TRAPPC9: variants seen among roughly 807,000 people sequenced by gnomAD.
The protein encoded by TRAPPC9 is IKK2 binding protein.
TRAPPC9 carries 83 observed loss-of-function variants against 124.0 expected under a neutral mutation model. That is an observed-to-expected ratio of 0.67 (90% CI 0.56 to 0.80). The LOEUF (loss-of-function observed/expected upper bound fraction) is 0.80. TRAPPC9 is among the 30% of genes least tolerant of loss of function. TRAPPC9 has a pLI of 0.00. For synonymous variants in TRAPPC9, 638 were observed against 617.5 expected (o/e 1.03, Z -0.49); for missense variants, 1,302 against 1,508.3 (o/e 0.86, Z 2.27).
At chr8:140,330,540 A>G (rs1409924178) in intron 9 of TRAPPC9, among the ~76,000 whole-genome samples, 3 of 152,240 alleles carry the variant, frequency 2.0e-5, no homozygotes, top group African/African-American at 4.8e-5. Flanking sequence ...CAAGTGCACC[A>G]AAAGACTGAA....
intron 18 of TRAPPC9, among the ~76,000 whole-genome samples, chr8:140,005,423 C>T (rs1838684594): frequency 1.3e-5 from 2 of 152,124 alleles, no homozygotes; most frequent in Non-Finnish European, 2.9e-5. Flanking sequence ...AGGGAAGGTT[C>T]CGAAAGGAAG....
chr8:139,963,749 C>CAAAAAAAAAAAAA (rs58224556), intron 19 of TRAPPC9, among the ~76,000 whole-genome samples: 4 of 107,352 alleles, frequency 3.7e-5, no homozygotes, highest in Non-Finnish European at 5.4e-5. Context: ...CCAGTTCTAC[C>CAAAAAAAAAAAAA]AAAAAAAAAA....
chr8:140,011,522 T>C lies in TRAPPC9; in HGVS notation c.2699+12415A>G, dbSNP rs981953903. ...CATACTTTTTTTTTTTTTTTTTTTT[T>C]GAGACGGAGTCTCACTCCGTCACCA... On this transcript the variant is annotated intron_variant, in intron 18 of 22. Coordinates refer to ENST00000438773, the MANE Select transcript of TRAPPC9 (RefSeq NM_001160372.4). 6.3e-5 allele frequency among the ~76,000 whole-genome samples: 9 copies of C among 142,474 alleles called. No homozygotes were observed. The South Asian group carries it at 6.9e-4, about 11-fold the overall frequency. The allele number at this position is 142,474 out of a possible 152,430, so 93.5% of individuals were successfully genotyped here. A position where few individuals can be genotyped will look rare whatever the true frequency, so the allele number is the denominator to read the frequency against.
At chr8:139,816,516 A>G (rs2130773031) in intron 21 of TRAPPC9, among the ~76,000 whole-genome samples, 1 of 152,272 alleles carries the variant, frequency 6.6e-6, no homozygotes, top group East Asian at 1.9e-4. Flanking sequence ...GAGATGGGCC[A>G]CAGGGGCCGA....
chr8:140,412,375 T>C (rs918751810), intron 5 of TRAPPC9, among the ~76,000 whole-genome samples: 6 of 152,160 alleles, frequency 3.9e-5, no homozygotes, highest in Non-Finnish European at 7.3e-5. Context: ...CCATAAACAC[T>C]AAATGCCGTG....
intron 12 of TRAPPC9, 133 bp downstream of exon 12, chr8:140,290,860 T>C (rs762516881): frequency 2.2e-4 from 165 of 763,052 alleles, no homozygotes; most frequent in Non-Finnish European, 2.3e-5. Flanking sequence ...ACAATAAGCT[T>C]ATATGCTTTG....
intron 21 of TRAPPC9, among the ~76,000 whole-genome samples, chr8:139,756,731 GA>G (rs1819834779): frequency 7.4e-6 from 1 of 134,824 alleles, no homozygotes; most frequent in Non-Finnish European, 1.6e-5. Flanking sequence ...CAGGTCGCAG[GA>G]GGAGCCAGGG....
intron 21 of TRAPPC9, among the ~76,000 whole-genome samples, chr8:139,883,035 G>A (rs1829775391): frequency 6.6e-6 from 1 of 152,210 alleles, no homozygotes; most frequent in Non-Finnish European, 1.5e-5. Context: ...TTGGGAGCTG[G>A]AGCCTTTAAT....
intron 17 of TRAPPC9, among the ~76,000 whole-genome samples, chr8:140,210,779 T>C (rs995682908): frequency 2.6e-5 from 4 of 152,144 alleles, no homozygotes; most frequent in African/African-American, 9.7e-5. Flanking sequence ...CCGGCTCTAC[T>C]GCAAGATTTT....
intron 21 of TRAPPC9, among the ~76,000 whole-genome samples, chr8:139,791,897 C>T (rs901709255): frequency 2.0e-5 from 3 of 152,152 alleles, no homozygotes; most frequent in Non-Finnish European, 2.9e-5. Context: ...CTGCAGCGCG[C>T]GTGGGGTGGG....
chr8:140,033,655 GTGGTTTTTTT>G (rs1840643747), intron 17 of TRAPPC9, among the ~76,000 whole-genome samples: 4 of 55,444 alleles, frequency 7.2e-5, no homozygotes, highest in African/African-American at 1.6e-4. Flanking sequence ...TCTTCATAAT[GTGGTTTTTTT>G]TTTTTTTTTT....
intron 19 of TRAPPC9, chr8:139,914,881 G>A (rs1832012183): frequency 2.0e-5 from 3 of 152,234 alleles, no homozygotes; most frequent in African/African-American, 7.2e-5. Flanking sequence ...CTGGGTTTAA[G>A]CTTAAACACA....
chr8:140,044,252 A>G (rs1841440937), intron 17 of TRAPPC9, among the ~76,000 whole-genome samples: 1 of 151,060 alleles, frequency 6.6e-6, no homozygotes, highest in South Asian at 2.1e-4. Flanking sequence ...GCTGGTCCAG[A>G]AGCAACAGAA....
chr8:139,794,314 C>A (rs1454836453), intron 21 of TRAPPC9, among the ~76,000 whole-genome samples: 1 of 152,194 alleles, frequency 6.6e-6, no homozygotes, highest in Non-Finnish European at 1.5e-5. Flanking sequence ...AGAAGCTGCC[C>A]GCACTTGTCC....
At chr8:140,041,971 A>C (rs889054090) in intron 17 of TRAPPC9, among the ~76,000 whole-genome samples, 23 of 152,052 alleles carry the variant, frequency 1.5e-4, no homozygotes, top group African/African-American at 4.6e-4. Context: ...ATTGTCTCAA[A>C]AAAAAAAAAA....
chr8:139,734,364 G>T (rs1478757174), intron 21 of TRAPPC9, among the ~76,000 whole-genome samples: 1 of 152,226 alleles, frequency 6.6e-6, no homozygotes, highest in Non-Finnish European at 1.5e-5. Flanking sequence ...ATGAGGACAT[G>T]GCCTGTGCTA....
At chr8:140,313,860 G>A (rs748876271) in intron 9 of TRAPPC9, among the ~76,000 whole-genome samples, 1 of 152,162 alleles carries the variant, frequency 6.6e-6, no homozygotes, top group Non-Finnish European at 1.5e-5. Flanking sequence ...TTGCTTCTTG[G>A]CTTTCCCCTA....
intron 21 of TRAPPC9, among the ~76,000 whole-genome samples, chr8:139,755,500 G>A (rs1450854554): frequency 1.4e-5 from 2 of 143,860 alleles, no homozygotes; most frequent in South Asian, 2.3e-4. Context: ...CAGGGTTGGG[G>A]TATAAGGACA....
At chr8:139,957,494 A>T (rs991506752) in intron 19 of TRAPPC9, among the ~76,000 whole-genome samples, 1 of 152,216 alleles carries the variant, frequency 6.6e-6, no homozygotes, top group African/African-American at 2.4e-5. Flanking sequence ...GGACCTAGGT[A>T]GGGCACGCTG....
Sources: gnomAD v4.1 joint callset for allele counts (sites outside exome capture counted in the v4.1 genomes callset) on GRCh38, gnomAD v4.1.1 for gene constraint, MANE v1.5 for transcripts, NCBI Gene and HGNC (gene_info 2026-07-23, HGNC 2026-07-21) for gene names.